ANKRD12: variants seen among roughly 807,000 people sequenced by gnomAD.
The protein encoded by ANKRD12 is ankyrin repeat domain 12.
In ANKRD12, 85 loss-of-function variants were observed where a neutral mutation model predicts 183.4. The observed-to-expected ratio is 0.46, with a 90% CI of 0.39 to 0.56. The LOEUF is 0.56. Among genes scored for constraint, ANKRD12 ranks in the 20% least tolerant of loss-of-function variants. The probability of loss-of-function intolerance (pLI) is 0.00; values close to 1 mark genes in which losing one functional copy is unlikely to be tolerated. For synonymous variants in ANKRD12, 914 were observed against 800.2 expected, an observed-to-expected ratio of 1.14 and a Z score of -2.40; for missense variants, 2,405 against 2,357.1, an observed-to-expected ratio of 1.02 and a Z score of -0.42.
At chr18:9,224,161 G>A (rs759514053) in intron 8 of ANKRD12, among the ~76,000 whole-genome samples, 4 of 152,106 alleles carry the variant, frequency 2.6e-5, no homozygotes, top group Non-Finnish European at 5.9e-5. Flanking sequence ...AAACATCACT[G>A]ATGAGTAAGA....
At chr18:9,247,660 T>A (rs1404930286) in intron 8 of ANKRD12, among the ~76,000 whole-genome samples, 1 of 152,210 alleles carries the variant, frequency 6.6e-6, no homozygotes, top group African/African-American at 2.4e-5. Flanking sequence ...AATCTATAGA[T>A]ATTCCCCCTC....
In ANKRD12 at chr18:9,211,617, C is replaced by T. The variant is rs1157504061; in HGVS notation, c.485C>T (p.Pro162Leu). The T allele has an allele frequency of 6.2e-7, 1 of 1,613,842 alleles. No homozygotes were observed. Among genetic ancestry groups the T allele is most frequent in the Admixed American group, 1.7e-5 (1 of 59,990 alleles). ...STPNHPSQTT[P>L]AQKKTPSSSS... ...CCAAATCATCCATCACAAACAACGCCTGCCCAAAAGAAAACTCCCAGTTCT... is the reference window on the plus strand; with the variant it reads ...CCAAATCATCCATCACAAACAACGCTTGCCCAAAAGAAAACTCCCAGTTCT... Residue 162 changes from proline (P) to leucine (L), a missense_variant, in exon 6 of 13, where the codon CCT becomes CTT. Transcript: ENST00000262126.
chr18:9,221,924 G>A lies in ANKRD12; in HGVS notation c.868G>A (p.Val290Ile). 6.2e-7 allele frequency: 1 copy of A among 1,614,060 alleles called. No homozygotes were observed. Residue 290 changes from valine (V) to isoleucine (I), a missense_variant, in exon 8 of 13, where the codon GTA becomes ATA. By Grantham distance (29) the Val-to-Ile change is conservative (BLOSUM62 3). Transcript: ENST00000262126. ...TAAACATGGGGAGCGTCCAGTGGAT[G>A]TAGCAGAAACAGAGGAGTTGGAGTT... ...ANKHGERPVD[V>I]AETEELELLL...
At chr18:9,263,459 C>A (rs929484044) in intron 9 of ANKRD12, among the ~76,000 whole-genome samples, 2 of 151,960 alleles carry the variant, frequency 1.3e-5, no homozygotes, top group African/African-American at 4.8e-5. Flanking sequence ...ATGTTTATAC[C>A]AGCTTTTCTG....
intron 1 of ANKRD12, among the ~76,000 whole-genome samples, chr18:9,177,024 A>T: frequency 6.6e-6 from 1 of 152,252 alleles, no homozygotes; most frequent in East Asian, 1.9e-4. Context: ...TTAAGGGAAG[A>T]AACATCTTCG....
At chr18:9,235,711 G>T (rs1401618699) in intron 8 of ANKRD12, 1 of 455,640 alleles carries the variant, frequency 2.2e-6, no homozygotes, top group East Asian at 6.9e-5. Flanking sequence ...TATGCAATCA[G>T]CAAATTCCAG....
intron 1 of ANKRD12, among the ~76,000 whole-genome samples, chr18:9,138,127 A>T: frequency 6.6e-6 from 1 of 152,242 alleles, no homozygotes; most frequent in East Asian, 1.9e-4. Flanking sequence ...ATCTGCAGTC[A>T]TGTATTTCGT....
At chr18:9,162,275 C>G (rs549100517) in intron 1 of ANKRD12, among the ~76,000 whole-genome samples, 1 of 151,230 alleles carries the variant, frequency 6.6e-6, no homozygotes, top group South Asian at 2.1e-4. Flanking sequence ...TGAGCTCACA[C>G]TTATAAGTGA....
chr18:9,264,036 G>A (rs2039137619), intron 10 of ANKRD12, 148 bp downstream of exon 10: 1 of 752,594 alleles, frequency 1.3e-6, no homozygotes. Flanking sequence ...TTATTAGATG[G>A]AAAAATTTTA....
intron 8 of ANKRD12, among the ~76,000 whole-genome samples, chr18:9,228,004 C>T (rs2036823556): frequency 6.6e-6 from 1 of 152,122 alleles, no homozygotes; most frequent in Admixed American, 6.6e-5. Context: ...TCTCTATGTC[C>T]ATGAGATTTA....
chr18:9,195,184 G>A (rs1333289146), intron 2 of ANKRD12, among the ~76,000 whole-genome samples: 2 of 152,150 alleles, frequency 1.3e-5, no homozygotes, highest in South Asian at 2.1e-4. Context: ...TTACTTGAGG[G>A]TGGAGGGTGG....
chr18:9,277,676 A>G (rs1315512252), intron 11 of ANKRD12, among the ~76,000 whole-genome samples: 1 of 152,148 alleles, frequency 6.6e-6, no homozygotes, highest in African/African-American at 2.4e-5. Context: ...CATTAAAAAT[A>G]AAAACAAATT....
chr18:9,205,005 A>T (rs1267590639), intron 4 of ANKRD12, among the ~76,000 whole-genome samples: 1 of 152,162 alleles, frequency 6.6e-6, no homozygotes, highest in African/African-American at 2.4e-5. Flanking sequence ...ATTTTTTTCC[A>T]TTGAATTCAT....
chr18:9,215,539 C>T (rs1164332359), intron 6 of ANKRD12, among the ~76,000 whole-genome samples: 4 of 152,100 alleles, frequency 2.6e-5, no homozygotes, highest in Admixed American at 2.6e-4. Flanking sequence ...TGTTTCTAAA[C>T]CAGCCTCTAA....
Position 9,283,214 on chromosome 18 carries a change from G to A in ANKRD12, c.*2088G>A, listed in dbSNP as rs1038467059. 6.6e-6 allele frequency: 1 copy of A among 152,138 alleles called. No individual in the cohort carries two copies. Among genetic ancestry groups the A allele is most frequent in the African/African-American group, 2.4e-5 (1 of 41,420 alleles). 9.4% of individuals were successfully genotyped at this position (152,138 alleles called of 1,614,324 possible). A position where few individuals can be genotyped will look rare whatever the true frequency, so the allele number is the denominator to read the frequency against. ...GTTTATAGGGCATTTTGTTCTGATG[G>A]TTCAACCAGAGGTCTGGGAAATAGC... is the stretch of plus-strand genomic sequence containing the variant. On this transcript the variant is annotated 3_prime_UTR_variant, in exon 13 of 13. Transcript: ENST00000262126.
rs562727545 is a variant in ANKRD12 at position 9,139,917 on chromosome 18, G to C, written c.-52+2952G>C. Among the ~76,000 whole-genome samples, 267 of 152,276 alleles carry C rather than the reference G, an allele frequency of 1.8e-3. 3 individuals carry two copies. Among genetic ancestry groups the C allele is most frequent in the South Asian group, 1.4e-3 (7 of 4,832 alleles). ...AAACTAGTCTGTGGTTTGGCCGAGA[G>C]GTTTCTTTCTGTGAAGATGCTAATT... is the stretch of plus-strand genomic sequence containing the variant. On this transcript the variant is annotated intron_variant, in intron 1 of 12. Transcript: ENST00000262126.
chr18:9,240,038 T>C (rs935760219), intron 8 of ANKRD12, among the ~76,000 whole-genome samples: 1 of 152,168 alleles, frequency 6.6e-6, no homozygotes, highest in Non-Finnish European at 1.5e-5. Context: ...AAAAATATTA[T>C]GGAAAAAAAT....
intron 1 of ANKRD12, among the ~76,000 whole-genome samples, chr18:9,165,156 G>T (rs867756154): frequency 6.6e-6 from 1 of 151,892 alleles, no homozygotes; most frequent in South Asian, 2.1e-4. Context: ...ACGTGATGTC[G>T]TTTGTCTTTT....
chr18:9,206,821 C>CT (rs1598557480), intron 4 of ANKRD12, among the ~76,000 whole-genome samples: 1 of 151,800 alleles, frequency 6.6e-6, no homozygotes, highest in South Asian at 2.1e-4. Context: ...GTTAGACTGG[C>CT]TTTTTTAAAA....
Sources: allele counts gnomAD v4.1 joint callset (sites outside exome capture counted in the v4.1 genomes callset), GRCh38; gene constraint gnomAD v4.1.1; transcripts MANE v1.5; gene names NCBI Gene and HGNC (gene_info 2026-07-23, HGNC 2026-07-21).